The following POLI variants were observed in gnomAD, a reference collection of about 807,000 sequenced individuals.
POLI encodes the protein RAD30 homolog B.
POLI carries 58 observed loss-of-function variants against 51.6 expected under a neutral mutation model. The observed-to-expected ratio is 1.12, with a 90% CI of 0.91 to 1.40. The LOEUF is 1.40. POLI is among the 40% of genes most tolerant of loss of function. The pLI is 0.00. For synonymous variants in POLI, 322 were observed against 299.7 expected (o/e 1.07, Z -0.77); for missense variants, 921 against 871.3 (o/e 1.06, Z -0.72).
Position 54,294,360 on chromosome 18 carries a change from T to C in POLI, c.2116T>C (p.Ser706Pro). The stretch of plus-strand genomic sequence containing the variant: ...TGTTGATGAGAAAATTACTTTCCCT[T>C]CTGACATTGATCCTCAAGTTTTCTA... Reference protein sequence around the residue: ...DSVDEKITFPSDIDPQVFYEL... With the variant: ...DSVDEKITFPPDIDPQVFYEL... The change falls in exon 10 of 10, where the codon TCT (serine) becomes CCT (proline). Residue 706 changes from serine (S) to proline (P), a missense_variant. Transcript: ENST00000579534. 1 of 1,613,608 alleles carries C rather than the reference T, an allele frequency of 6.2e-7. No homozygotes were observed. The highest frequency in any genetic ancestry group is 8.5e-7 in the Non-Finnish European group (1 of 1,179,682).
At position 54,319,288 on chromosome 18, in the gene POLI, C is replaced by G. The variant is rs534616136; in HGVS notation, c.334-985C>G. Reference sequence around the variant, plus strand: ...TTTTGTTGTTTGCAGCCAACGTTTTCTTAACTGATATAATAATGTTGCACT... The same window carrying G: ...TTTTGTTGTTTGCAGCCAACGTTTTGTTAACTGATATAATAATGTTGCACT... On this transcript the variant is annotated intron_variant, in intron 3 of 4. Coordinates refer to the POLI transcript ENST00000579823. 9.6e-4 allele frequency among the ~76,000 whole-genome samples: 146 copies of G among 152,070 alleles called. 1 individual carries two copies. The highest frequency in any genetic ancestry group is 1.6e-3 in the Admixed American group (24 of 15,258).
At chr18:54,305,469 C>G (rs2088566569) in intron 3 of POLI, among the ~76,000 whole-genome samples, 1 of 151,844 alleles carries the variant, frequency 6.6e-6, no homozygotes, top group Non-Finnish European at 1.5e-5. Flanking sequence ...TGAAGAGGTC[C>G]TTCACATCCC....
chr18:54,287,162 C>T, intron 7 of POLI, 119 bp from the exon 8 acceptor site: 1 of 616,972 alleles, frequency 1.6e-6, no homozygotes, highest in Non-Finnish European at 2.8e-6. Context: ...TTGTTATCTG[C>T]TATATGTATA....
intron 4 of POLI, among the ~76,000 whole-genome samples, chr18:54,279,245 T>C (rs915398778): frequency 1.0e-4 from 15 of 145,312 alleles, no homozygotes; most frequent in Admixed American, 6.1e-4. Flanking sequence ...TCTTTTCTTT[T>C]TTTTTTTTTT....
intron 8 of POLI, among the ~76,000 whole-genome samples, chr18:54,288,218 G>A (rs1040681972): frequency 3.9e-5 from 6 of 152,132 alleles, no homozygotes; most frequent in Non-Finnish European, 7.4e-5. Context: ...TTTGATTATA[G>A]TTGTTCTAGC....
At chr18:54,303,097 A>T (rs773068479), downstream of POLI, among the ~76,000 whole-genome samples, 4 of 152,188 alleles carry the variant, frequency 2.6e-5, no homozygotes, top group African/African-American at 4.8e-5. Flanking sequence ...TACAGCTGTG[A>T]TATATAGTCT....
chr18:54,300,070 C>A (rs559326488), downstream of POLI, among the ~76,000 whole-genome samples: 1 of 151,634 alleles, frequency 6.6e-6, no homozygotes, highest in African/African-American at 2.4e-5. Context: ...CCTACATTAC[C>A]CATAAAATTA....
chr18:54,301,545 A>G (rs1284694834), downstream of POLI, among the ~76,000 whole-genome samples: 3 of 152,206 alleles, frequency 2.0e-5, no homozygotes, highest in Non-Finnish European at 4.4e-5. Context: ...TTACATTGTG[A>G]TGCTCCTTCT....
rs540119330 is a variant in POLI, at chr18:54,269,750, G to A, written c.115+89G>A. 89 of 1,404,084 alleles carry A rather than the reference G, an allele frequency of 6.3e-5. No individual in the cohort carries two copies. In the Admixed American group the frequency reaches 2.2e-3, roughly 34 times the overall value. The allele number at this position is 1,404,084 out of a possible 1,614,324, so 87.0% of individuals were successfully genotyped here. A position where few individuals can be genotyped will look rare whatever the true frequency, so the allele number is the denominator to read the frequency against. Reference sequence around the variant, plus strand: ...GACGCTCGGGGCGGCGGCCACTGGGGCGCGACCGTCCCCGCCCCACTCGGC... The same window carrying A: ...GACGCTCGGGGCGGCGGCCACTGGGACGCGACCGTCCCCGCCCCACTCGGC... On this transcript the variant is annotated intron_variant, in intron 1 of 9. Coordinates refer to ENST00000579534, the MANE Select transcript of POLI (RefSeq NM_007195.3).
At chr18:54,292,489 A>G (rs2088071498) in intron 9 of POLI, among the ~76,000 whole-genome samples, 1 of 152,148 alleles carries the variant, frequency 6.6e-6, no homozygotes, top group Non-Finnish European at 1.5e-5. Context: ...CAATATTGAT[A>G]GATTTGACTA....
intron 3 of POLI, among the ~76,000 whole-genome samples, chr18:54,317,453 A>T (rs1317332315): frequency 6.6e-6 from 1 of 152,242 alleles, no homozygotes; most frequent in African/African-American, 2.4e-5. Flanking sequence ...AATGAAGTAT[A>T]TTAAGAAAGT....
In POLI at chr18:54,315,710, C is replaced by T. The variant is rs374934957; in HGVS notation, c.334-4563C>T. The stretch of plus-strand genomic sequence containing the variant: ...GAACCCTTTGTCATTATATAATGCC[C>T]TTCTTTGTTCTTTTTGACTGTTTTT... On this transcript the variant is annotated intron_variant, in intron 3 of 4. Coordinates refer to the POLI transcript ENST00000579823. 1.6e-3 allele frequency among the ~76,000 whole-genome samples: 237 copies of T among 152,048 alleles called. 2 individuals are homozygous for T. In the Middle Eastern group the frequency reaches 0.017, roughly 11 times the overall value.
chr18:54,287,496 G>A (rs886092944), intron 8 of POLI, 85 bp downstream of exon 8: 6 of 982,058 alleles, frequency 6.1e-6, no homozygotes, highest in Non-Finnish European at 9.4e-6. Flanking sequence ...CTCCAAAAAT[G>A]GAGGGTCTTC....
At chr18:54,303,802 G>A (rs1319516880) in intron 3 of POLI, among the ~76,000 whole-genome samples, 1 of 148,430 alleles carries the variant, frequency 6.7e-6, no homozygotes, top group Non-Finnish European at 1.5e-5. Context: ...TAGGGTACAT[G>A]TGCACAACAT....
At chr18:54,317,384 A>G (rs2088747167) in intron 3 of POLI, among the ~76,000 whole-genome samples, 1 of 152,206 alleles carries the variant, frequency 6.6e-6, no homozygotes, top group African/African-American at 2.4e-5. Context: ...GTGGCAGTTG[A>G]TATTCATACA....
intron 8 of POLI, among the ~76,000 whole-genome samples, chr18:54,290,047 C>T (rs1228789441): frequency 6.6e-6 from 1 of 152,180 alleles, no homozygotes; most frequent in Non-Finnish European, 1.5e-5. Context: ...AGGCAACCTA[C>T]AGAATGGGAG....
chr18:54,295,100 G>A lies in POLI; in HGVS notation c.*633G>A, dbSNP rs2088251341. The A allele has an allele frequency of 5.1e-6, 5 of 985,500 alleles. No homozygotes were observed. Among genetic ancestry groups the A allele is most frequent in the Non-Finnish European group, 6.0e-6 (5 of 829,974 alleles). 61.0% of individuals were successfully genotyped at this position (985,500 alleles called of 1,614,324 possible). A position where few individuals can be genotyped will look rare whatever the true frequency, so the allele number is the denominator to read the frequency against. On this transcript the variant is annotated 3_prime_UTR_variant, in exon 10 of 10. Coordinates refer to ENST00000579534, the MANE Select transcript of POLI (RefSeq NM_007195.3). ...TAGGGCCAGGGTGGGGAGTTAAAGT[G>A]AGAGGAGGGTATATGTTATAGAGAA... is the stretch of plus-strand genomic sequence containing the variant.
chr18:54,311,142 T>C (rs767717538), intron 3 of POLI: 4 of 976,548 alleles, frequency 4.1e-6, no homozygotes, highest in East Asian at 1.1e-4. Context: ...CCACTTCTTC[T>C]TGAAATCTGG....
chr18:54,292,440 A>G (rs1367308610), intron 9 of POLI, among the ~76,000 whole-genome samples: 1 of 152,116 alleles, frequency 6.6e-6, no homozygotes, highest in African/African-American at 2.4e-5. Context: ...TAAAGTATTT[A>G]CATTTTCTTC....
Sources: gnomAD v4.1 joint callset for allele counts (sites outside exome capture counted in the v4.1 genomes callset) on GRCh38, gnomAD v4.1.1 for gene constraint, MANE v1.5 for transcripts, NCBI Gene and HGNC (gene_info 2026-07-23, HGNC 2026-07-21) for gene names.